The following CHST12 variants were observed in gnomAD, a reference collection of about 807,000 sequenced individuals.
The protein encoded by CHST12 is carbohydrate (chondroitin 4) sulfotransferase 12.
A neutral mutation model predicts 27.9 loss-of-function variants in CHST12; 23 were observed. The observed-to-expected ratio is 0.82, with a 90% confidence interval of 0.59 to 1.17. CHST12 has a LOEUF of 1.17. Ranked by LOEUF, CHST12 falls within the 50% of genes most tolerant of loss-of-function variation. CHST12 has a pLI of 0.00. For synonymous variants in CHST12, 322 were observed against 273.0 expected, an observed-to-expected ratio of 1.18 and a Z score of -1.77; for missense variants, 682 against 603.0, an observed-to-expected ratio of 1.13 and a Z score of -1.37.
chr7:2,413,723 C>CTTTTTTTTTTTTTTTTTTTTTTT (rs1198072520), intron 1 of CHST12, among the ~76,000 whole-genome samples: 1 of 104,104 alleles, frequency 9.6e-6, no homozygotes, highest in Non-Finnish European at 1.9e-5. Context: ...CAGGTTTTAG[C>CTTTTTTTTTTTTTTTTTTTTTTT]TTTTTTTTTT....
rs926443192 is a variant in CHST12 at position 2,433,517 on chromosome 7, G to A, written c.878G>A (p.Arg293His). The change falls in exon 2 of 2, where the codon CGC becomes CAC. Residue 293 changes from arginine to histidine, a missense_variant. Physicochemically the swap from Arg to His is conservative, Grantham distance 29 (BLOSUM62 0). Coordinates refer to ENST00000618655, the MANE Select transcript of CHST12 (RefSeq NM_018641.5). This position sits in a 1 kb window ranked among gnomAD's most constrained non-coding sequence, Gnocchi z 6.1. ...SLPASAREAF[R>H]AGLKVSFANF... ...CCCGCCTCGGCGCGCGAGGCCTTCC[G>A]CGCTGGCCTCAAGGTGTCCTTCGCC... is the stretch of plus-strand genomic sequence containing the variant. 9.9e-6 allele frequency: 16 copies of A among 1,612,624 alleles called. No individual in the cohort carries two copies. Among genetic ancestry groups the A allele is most frequent in the African/African-American group, 9.3e-5 (7 of 75,032 alleles).
At chr7:2,409,336 A>G (rs934543861) in intron 1 of CHST12, among the ~76,000 whole-genome samples, 1 of 152,150 alleles carries the variant, frequency 6.6e-6, no homozygotes, top group Non-Finnish European at 1.5e-5. Context: ...TGGAGCGGGT[A>G]GGGCGTGGTG....
chr7:2,431,086 GT>G (rs1331340210), intron 1 of CHST12, among the ~76,000 whole-genome samples: 1 of 152,214 alleles, frequency 6.6e-6, no homozygotes, highest in African/African-American at 2.4e-5. Context: ...CAAGAGTGAA[GT>G]GTTGAAGTCT....
chr7:2,433,905 C>G lies in CHST12; in HGVS notation c.*21C>G, dbSNP rs777856139. On this transcript the variant is annotated 3_prime_UTR_variant, in exon 2 of 2. Transcript: ENST00000618655. This position sits in a 1 kb window ranked among gnomAD's most constrained non-coding sequence, Gnocchi z 6.1. The stretch of plus-strand genomic sequence containing the variant: ...ACTGAAAGCTTTCGCGTTGCTTTTT[C>G]TCGCGTGCCTGGAACCTGACGCACG... The G allele has an allele frequency of 6.5e-6, 10 of 1,540,362 alleles. No individual in the cohort carries two copies. The highest frequency in any genetic ancestry group is 8.8e-6 in the Non-Finnish European group (10 of 1,142,096).
chr7:2,408,495 G>C (rs576199742), intron 1 of CHST12, among the ~76,000 whole-genome samples: 1 of 152,248 alleles, frequency 6.6e-6, no homozygotes, highest in South Asian at 2.1e-4. Flanking sequence ...AGAGGCAGAA[G>C]GTTAGAACAT....
chr7:2,414,393 C>T (rs761781922), intron 1 of CHST12, among the ~76,000 whole-genome samples: 3 of 152,056 alleles, frequency 2.0e-5, no homozygotes, highest in Non-Finnish European at 4.4e-5. Flanking sequence ...AAGCGATTCT[C>T]TTGCCTCAGC....
chr7:2,433,288 A>G lies in CHST12; in HGVS notation c.649A>G (p.Asn217Asp). Residue 217 changes from asparagine to aspartate, a missense_variant, in exon 2 of 2, where the codon AAC becomes GAC. Asn to Asp is a conservative substitution (Grantham distance 23, BLOSUM62 1). Transcript: ENST00000618655. The surrounding 1 kb of genome is among the most constrained non-coding windows in gnomAD (Gnocchi z 6.1). ...CAACGCCAGCGCGCACCTGACCTTC[A>G]ACAAGTTCTGGCGCCGCTACGGGAA... ...VHNASAHLTF[N>D]KFWRRYGKLS... 6.2e-7 allele frequency: 1 copy of G among 1,612,106 alleles called. No homozygotes were observed. The highest frequency in any genetic ancestry group is 8.5e-7 in the Non-Finnish European group (1 of 1,178,956).
chr7:2,415,348 A>G (rs1455782492), intron 1 of CHST12, among the ~76,000 whole-genome samples: 1 of 150,664 alleles, frequency 6.6e-6, no homozygotes, highest in Non-Finnish European at 1.5e-5. Flanking sequence ...CTGGATGACA[A>G]CAGCGAAACT....
At chr7:2,410,456 C>T (rs920298710) in intron 1 of CHST12, among the ~76,000 whole-genome samples, 1 of 152,016 alleles carries the variant, frequency 6.6e-6, no homozygotes, top group African/African-American at 2.4e-5. Context: ...AGGGATTCTG[C>T]GATTGCACCA....
intron 1 of CHST12, among the ~76,000 whole-genome samples, chr7:2,405,171 G>C (rs771831421): frequency 6.6e-6 from 1 of 152,154 alleles, no homozygotes; most frequent in Non-Finnish European, 1.5e-5. Context: ...AAGGCCGGGC[G>C]AGGTGGCTCG....
chr7:2,416,656 A>G (rs1350618472), intron 1 of CHST12, among the ~76,000 whole-genome samples: 1 of 152,222 alleles, frequency 6.6e-6, no homozygotes, highest in Non-Finnish European at 1.5e-5. Context: ...TAAGAAAGAA[A>G]CACAAGTCAT....
rs1463612040 is a variant in CHST12, at chr7:2,437,170, C to T, written c.*3286C>T. 6.6e-6 allele frequency: 1 copy of T among 152,198 alleles called. No individual in the cohort carries two copies. Among genetic ancestry groups the T allele is most frequent in the African/African-American group, 2.4e-5 (1 of 41,430 alleles). 9.4% of individuals were successfully genotyped at this position (152,198 alleles called of 1,614,324 possible). A position where few individuals can be genotyped will look rare whatever the true frequency, so the allele number is the denominator to read the frequency against. On this transcript the variant is annotated 3_prime_UTR_variant, in exon 2 of 2. Coordinates refer to ENST00000618655, the MANE Select transcript of CHST12 (RefSeq NM_018641.5). The stretch of plus-strand genomic sequence containing the variant: ...CTTAAAACTCTTTTACCCTGTTGGC[C>T]CCCATCCTCCAGCTGTGTCCACACT...
In CHST12 at chr7:2,438,706, T is replaced by C. The variant is rs992858434; in HGVS notation, c.*4822T>C. ...AGTGACTGTTTGCACACATCTGTTG[T>C]GTTTTGCCTGTGTGCATTCCTCCTC... On this transcript the variant is annotated 3_prime_UTR_variant, in exon 2 of 2. Coordinates refer to ENST00000618655, the MANE Select transcript of CHST12 (RefSeq NM_018641.5). 6.6e-6 allele frequency: 1 copy of C among 152,230 alleles called. No homozygotes were observed. Among genetic ancestry groups the C allele is most frequent in the African/African-American group, 2.4e-5 (1 of 41,450 alleles). The allele number at this position is 152,230 out of a possible 1,614,324, so 9.4% of individuals were successfully genotyped here. A position where few individuals can be genotyped will look rare whatever the true frequency, so the allele number is the denominator to read the frequency against.
intron 1 of CHST12, among the ~76,000 whole-genome samples, chr7:2,421,932 TATTAA>T (rs1781985564): frequency 1.3e-5 from 2 of 152,208 alleles, no homozygotes; most frequent in South Asian, 2.1e-4. Flanking sequence ...ACTGAAATCT[TATTAA>T]ATTATCCATG....
intron 1 of CHST12, among the ~76,000 whole-genome samples, chr7:2,415,840 T>G (rs991119194): frequency 6.6e-6 from 1 of 152,110 alleles, no homozygotes; most frequent in Non-Finnish European, 1.5e-5. Flanking sequence ...GGTCTCGATC[T>G]CCTGACCTTG....
Position 2,433,287 on chromosome 7 carries a change from C to A in CHST12, c.648C>A (p.Phe216Leu). Residue 216 changes from phenylalanine to leucine, a missense_variant, in exon 2 of 2, where the codon TTC (phenylalanine) becomes TTA (leucine). Phe to Leu is a conservative substitution (Grantham distance 22). Coordinates refer to ENST00000618655, the MANE Select transcript of CHST12 (RefSeq NM_018641.5). This position sits in a 1 kb window ranked among gnomAD's most constrained non-coding sequence, Gnocchi z 6.1. ...ACAACGCCAGCGCGCACCTGACCTT[C>A]AACAAGTTCTGGCGCCGCTACGGGA... The part of the protein sequence containing the change: ...HVHNASAHLT[F>L]NKFWRRYGKL... The A allele has an allele frequency of 6.2e-7, 1 of 1,612,214 alleles. No homozygotes were observed. The highest frequency in any genetic ancestry group is 8.5e-7 in the Non-Finnish European group (1 of 1,178,980).
intron 1 of CHST12, among the ~76,000 whole-genome samples, chr7:2,428,217 CAG>C (rs1782182986): frequency 7.8e-6 from 1 of 128,996 alleles, no homozygotes; most frequent in Admixed American, 7.8e-5. Context: ...TTTTTTGAGA[CAG>C]AGTCTTGCTC....
chr7:2,441,043 G>C lies in CHST12; in HGVS notation c.*7159G>C, dbSNP rs1259295930. On this transcript the variant is annotated 3_prime_UTR_variant, in exon 2 of 2. Coordinates refer to ENST00000618655, the MANE Select transcript of CHST12 (RefSeq NM_018641.5). ...ATGTTCTGCTTATAATGTTTCAAGA[G>C]GTTCAAAGCGTGCAGGCCCCATGCT... 1 of 152,182 alleles carries C rather than the reference G, an allele frequency of 6.6e-6. No homozygotes were observed. The highest frequency in any genetic ancestry group is 2.4e-5 in the African/African-American group (1 of 41,430). 9.4% of individuals were successfully genotyped at this position (152,182 alleles called of 1,614,324 possible).
chr7:2,408,191 G>A (rs931654341), intron 1 of CHST12, among the ~76,000 whole-genome samples: 2 of 151,768 alleles, frequency 1.3e-5, no homozygotes, highest in Non-Finnish European at 2.9e-5. Context: ...CCAACATAGT[G>A]AAACCCTGGC....
Sources: allele counts gnomAD v4.1 joint callset (sites outside exome capture counted in the v4.1 genomes callset), GRCh38; gene constraint gnomAD v4.1.1; non-coding constraint Gnocchi (gnomAD v3.1); transcripts MANE v1.5; gene names NCBI Gene and HGNC (gene_info 2026-07-23, HGNC 2026-07-21).